RNGTT: variants seen among roughly 807,000 people sequenced by gnomAD.
RNGTT encodes mRNA-capping enzyme.
In RNGTT, 33 loss-of-function variants were observed where a neutral mutation model predicts 79.3. The observed-to-expected ratio is 0.42, with a 90% CI of 0.32 to 0.56. The LOEUF (loss-of-function observed/expected upper bound fraction) is 0.56. Ranked by LOEUF, RNGTT falls within the 20% of genes least tolerant of loss-of-function variation. The probability of loss-of-function intolerance (pLI) is 0.17; values close to 1 mark genes in which losing one functional copy is unlikely to be tolerated. For synonymous variants in RNGTT, 222 were observed against 235.9 expected, an observed-to-expected ratio of 0.94 and a Z score of 0.54; for missense variants, 497 against 739.1, an observed-to-expected ratio of 0.67 and a Z score of 3.80.
intron 1 of RNGTT, among the ~76,000 whole-genome samples, chr6:88,945,365 A>G (rs1424084556): frequency 6.6e-6 from 1 of 152,242 alleles, no homozygotes; most frequent in East Asian, 1.9e-4. Context: ...AACAGATTTT[A>G]CCAACTTTTC....
At chr6:88,908,393 A>G (rs142318726) in intron 4 of RNGTT, among the ~76,000 whole-genome samples, 82 of 152,310 alleles carry the variant, frequency 5.4e-4, no homozygotes, top group Middle Eastern at 3.4e-3. Context: ...GTAAGCCACC[A>G]CACTTTGAAC....
intron 11 of RNGTT, among the ~76,000 whole-genome samples, chr6:88,816,029 G>A (rs1329758015): frequency 6.6e-6 from 1 of 152,056 alleles, no homozygotes; most frequent in Admixed American, 6.5e-5. Context: ...TAAGACCTAA[G>A]ATTTCTATCT....
chr6:88,616,807 A>T (rs549877037), intron 14 of RNGTT, among the ~76,000 whole-genome samples: 1 of 152,324 alleles, frequency 6.6e-6, no homozygotes, highest in East Asian at 1.9e-4. Flanking sequence ...TCAGATGTAC[A>T]ATTTGCAATT....
intron 8 of RNGTT, among the ~76,000 whole-genome samples, chr6:88,887,505 A>G (rs1253489999): frequency 1.3e-5 from 2 of 152,216 alleles, no homozygotes; most frequent in East Asian, 1.9e-4. Flanking sequence ...CCCAGAAAAA[A>G]GTATCCTAAA....
At chr6:88,778,815 A>G (rs1778973062) in intron 12 of RNGTT, among the ~76,000 whole-genome samples, 1 of 152,236 alleles carries the variant, frequency 6.6e-6, no homozygotes, top group Non-Finnish European at 1.5e-5. Context: ...TAACTGTGCC[A>G]CGTGTAAGAA....
At chr6:88,827,699 G>C (rs765687074) in intron 11 of RNGTT, among the ~76,000 whole-genome samples, 2 of 152,178 alleles carry the variant, frequency 1.3e-5, no homozygotes, top group Non-Finnish European at 2.9e-5. Context: ...GCTGGAGCTT[G>C]GTGGGGGGAG....
rs1261666987 is a variant in RNGTT, at chr6:88,610,532, A to G, written c.*2187T>C. The G allele has an allele frequency of 7.9e-5, 12 of 152,248 alleles. No individual in the cohort carries two copies. Among genetic ancestry groups the G allele is most frequent in the African/African-American group, 2.4e-4 (10 of 41,458 alleles). The allele number at this position is 152,248 out of a possible 1,614,324, so 9.4% of individuals were successfully genotyped here. On this transcript the variant is annotated 3_prime_UTR_variant, in exon 16 of 16. Transcript: ENST00000369485. ...TGAGAAGGAGCACATTTCCTTCACA[A>G]TGTCCAAAATCCTGCCTCTAGATTA... is the stretch of plus-strand genomic sequence containing the variant.
chr6:88,837,398 A>AAAC (rs756405861), intron 11 of RNGTT, among the ~76,000 whole-genome samples: 2 of 152,150 alleles, frequency 1.3e-5, no homozygotes, highest in Non-Finnish European at 2.9e-5. Flanking sequence ...CCCTGTCTTA[A>AAAC]AACAACAACA....
chr6:88,944,294 CAT>C (rs1375760263), intron 1 of RNGTT, among the ~76,000 whole-genome samples: 1 of 152,206 alleles, frequency 6.6e-6, no homozygotes, highest in East Asian at 1.9e-4. Context: ...TAACTTGCCA[CAT>C]GTCACACCAC....
chr6:88,825,163 T>C (rs934121488), intron 11 of RNGTT, among the ~76,000 whole-genome samples: 9 of 152,228 alleles, frequency 5.9e-5, no homozygotes, highest in African/African-American at 2.2e-4. Flanking sequence ...TCAGTTATCA[T>C]AGAGCATACA....
chr6:88,854,118 T>C (rs893886156), intron 8 of RNGTT, among the ~76,000 whole-genome samples: 20 of 151,920 alleles, frequency 1.3e-4, no homozygotes, highest in South Asian at 2.1e-4. Flanking sequence ...TTCTTTTTTT[T>C]AGTAGAGATG....
chr6:88,648,975 T>C (rs1197812259), intron 14 of RNGTT, among the ~76,000 whole-genome samples: 4 of 152,198 alleles, frequency 2.6e-5, no homozygotes, highest in African/African-American at 9.7e-5. Context: ...AAGTCCTAAC[T>C]TACCATCAAT....
chr6:88,796,849 T>C (rs908216771), intron 12 of RNGTT, among the ~76,000 whole-genome samples: 2 of 152,154 alleles, frequency 1.3e-5, no homozygotes, highest in Admixed American at 1.3e-4. Flanking sequence ...TTGCTATCAG[T>C]TATAACTTAC....
intron 14 of RNGTT, among the ~76,000 whole-genome samples, chr6:88,655,564 G>A (rs1036398480): frequency 6.6e-6 from 1 of 152,058 alleles, no homozygotes; most frequent in African/African-American, 2.4e-5. Flanking sequence ...ACCAGACTGA[G>A]GCAGGGAATA....
chr6:88,733,251 C>T (rs1777171911), intron 13 of RNGTT, among the ~76,000 whole-genome samples: 1 of 152,050 alleles, frequency 6.6e-6, no homozygotes, highest in Middle Eastern at 3.2e-3. Context: ...GTCCCAGCTA[C>T]TTGGAAGAAG....
chr6:88,768,161 T>TGTGTGTGTGTG (rs1554215253), intron 13 of RNGTT, among the ~76,000 whole-genome samples: 1 of 151,724 alleles, frequency 6.6e-6, no homozygotes, highest in Admixed American at 6.6e-5. Context: ...TGTGTGTGTG[T>TGTGTGTGTGTG]TTCTTTTTCT....
chr6:88,698,842 A>C (rs1353105707), intron 13 of RNGTT, among the ~76,000 whole-genome samples: 1 of 152,196 alleles, frequency 6.6e-6, no homozygotes, highest in African/African-American at 2.4e-5. Context: ...TTCTATTCTA[A>C]GCATTCAAGG....
intron 11 of RNGTT, among the ~76,000 whole-genome samples, chr6:88,819,862 T>G (rs9362566): frequency 6.6e-6 from 1 of 152,040 alleles, no homozygotes; most frequent in African/African-American, 2.4e-5. Flanking sequence ...GGCATTTCTA[T>G]CTACCTGCTA....
At chr6:88,622,380 T>C (rs1209166462) in intron 14 of RNGTT, among the ~76,000 whole-genome samples, 1 of 152,160 alleles carries the variant, frequency 6.6e-6, no homozygotes, top group Admixed American at 6.5e-5. Context: ...GTATTTACTA[T>C]GATGACTATC....
Sources: allele counts gnomAD v4.1 joint callset (sites outside exome capture counted in the v4.1 genomes callset), GRCh38; gene constraint gnomAD v4.1.1; transcripts MANE v1.5; gene names NCBI Gene and HGNC (gene_info 2026-07-23, HGNC 2026-07-21).